The following IGF2BP3 variants were observed in gnomAD, a reference collection of about 807,000 sequenced individuals.
The protein encoded by IGF2BP3 is insulin like growth factor 2 mRNA binding protein 3, also known as insulin-like growth factor 2 mRNA-binding protein 3.
Under a neutral mutation model 73.8 loss-of-function variants are expected in IGF2BP3, and 9 were observed. That is an observed-to-expected ratio of 0.12 (90% confidence interval 0.07 to 0.21). The LOEUF is 0.21. Ranked by LOEUF, IGF2BP3 falls within the 10% of genes least tolerant of loss-of-function variation. The probability of loss-of-function intolerance (pLI) is 1.00; values close to 1 mark genes in which losing one functional copy is unlikely to be tolerated. For synonymous variants in IGF2BP3, 258 were observed against 256.7 expected (o/e 1.01, Z -0.05); for missense variants, 542 against 714.0 (o/e 0.76, Z 2.75).
intron 2 of IGF2BP3, among the ~76,000 whole-genome samples, chr7:23,423,716 T>A (rs1041437588): frequency 1.3e-5 from 2 of 152,120 alleles, no homozygotes; most frequent in Admixed American, 1.3e-4. Flanking sequence ...TCAAATGATT[T>A]CCTTATAGCT....
chr7:23,426,062 C>T (rs547618752), intron 2 of IGF2BP3, among the ~76,000 whole-genome samples: 3 of 152,180 alleles, frequency 2.0e-5, no homozygotes, highest in South Asian at 4.1e-4. Context: ...TGCAGTGGCT[C>T]GCGCCTGTAA....
intron 2 of IGF2BP3, among the ~76,000 whole-genome samples, chr7:23,466,154 G>A (rs1459306433): frequency 6.6e-6 from 1 of 152,012 alleles, no homozygotes; most frequent in African/African-American, 2.4e-5. Context: ...GAGTAGCTGG[G>A]TGGGATTACA....
At chr7:23,328,238 T>C (rs955981993) in intron 10 of IGF2BP3, among the ~76,000 whole-genome samples, 2 of 152,216 alleles carry the variant, frequency 1.3e-5, no homozygotes. Context: ...AGACAGAGTC[T>C]TGCTCTGTCT....
intron 2 of IGF2BP3, among the ~76,000 whole-genome samples, chr7:23,442,947 A>G (rs1183394348): frequency 2.6e-5 from 4 of 152,072 alleles, no homozygotes; most frequent in African/African-American, 7.2e-5. Context: ...GTTTAATCAA[A>G]CCATTTGGAA....
chr7:23,324,395 C>A (rs1285780621), intron 10 of IGF2BP3, among the ~76,000 whole-genome samples: 1 of 151,362 alleles, frequency 6.6e-6, no homozygotes, highest in African/African-American at 2.4e-5. Context: ...TCTGAATAGA[C>A]CAATAACAGG....
chr7:23,418,864 T>TA, intron 2 of IGF2BP3, 40 bp from the exon 3 acceptor site: 1 of 1,378,758 alleles, frequency 7.3e-7, no homozygotes. Flanking sequence ...GAAAAAAACA[T>TA]AAAAGCAAAA....
intron 2 of IGF2BP3, among the ~76,000 whole-genome samples, chr7:23,459,888 A>G (rs1262538375): frequency 6.6e-6 from 1 of 151,966 alleles, no homozygotes; most frequent in African/African-American, 2.4e-5. Context: ...AGATAGGTTC[A>G]GACAATTTTC....
At chr7:23,422,020 C>G (rs1173140577) in intron 2 of IGF2BP3, among the ~76,000 whole-genome samples, 1 of 152,036 alleles carries the variant, frequency 6.6e-6, no homozygotes, top group Non-Finnish European at 1.5e-5. Flanking sequence ...CTCAAGCAGT[C>G]CTTCTATCTT....
At chr7:23,383,999 G>A (rs1785999044) in intron 3 of IGF2BP3, among the ~76,000 whole-genome samples, 1 of 151,312 alleles carries the variant, frequency 6.6e-6, no homozygotes, top group Admixed American at 6.6e-5. Context: ...GGGAGGCTGA[G>A]GCAGGACAAT....
At position 23,468,053 on chromosome 7, in the gene IGF2BP3, G is replaced by A. The variant is rs117574942; in HGVS notation, c.236+429C>T. The A allele has an allele frequency of 6.8e-3, 1,407 of 205,616 alleles. 25 individuals are homozygous for A. The highest frequency in any genetic ancestry group is 0.058 in the East Asian group (453 of 7,824). The allele number at this position is 205,616 out of a possible 1,614,324, so 12.7% of individuals were successfully genotyped here. ...GCCGCGCCCACGGCCTCCCAACCCC[G>A]GACAGAGAAGGAAAGGAGGGACCCC... On this transcript the variant is annotated intron_variant, in intron 2 of 14. Coordinates refer to ENST00000258729, the MANE Select transcript of IGF2BP3 (RefSeq NM_006547.3).
chr7:23,421,194 G>C (rs2128536700), intron 2 of IGF2BP3, among the ~76,000 whole-genome samples: 1 of 152,112 alleles, frequency 6.6e-6, no homozygotes, highest in African/African-American at 2.4e-5. Context: ...ATTTTTAGTA[G>C]AGACGGGGTT....
At chr7:23,446,353 G>A (rs139640575) in intron 2 of IGF2BP3, among the ~76,000 whole-genome samples, 1,529 of 152,270 alleles carry the variant, frequency 0.01, 30 homozygotes, top group African/African-American at 0.035. Context: ...CCCGAAGTCA[G>A]GAGTTTGAGA....
At chr7:23,447,847 GGTGT>G (rs758397005) in intron 2 of IGF2BP3, among the ~76,000 whole-genome samples, 4 of 152,118 alleles carry the variant, frequency 2.6e-5, no homozygotes, top group Non-Finnish European at 5.9e-5. Context: ...CAGGCATGAT[GGTGT>G]GTGCCTGTAG....
At chr7:23,420,333 C>T (rs1478445019) in intron 2 of IGF2BP3, among the ~76,000 whole-genome samples, 1 of 152,014 alleles carries the variant, frequency 6.6e-6, no homozygotes, top group East Asian at 1.9e-4. Context: ...TTTAAACTAG[C>T]TGGGCATGGT....
At chr7:23,371,250 TCATTGCAA>T (rs1257292070) in intron 3 of IGF2BP3, among the ~76,000 whole-genome samples, 1 of 152,004 alleles carries the variant, frequency 6.6e-6, no homozygotes, top group Non-Finnish European at 1.5e-5. Context: ...TGACTACTAC[TCATTGCAA>T]CAAGAGAGGC....
chr7:23,470,208 T>G lies in IGF2BP3; in HGVS notation c.-98A>C. 1 of 935,828 alleles carries G rather than the reference T, an allele frequency of 1.1e-6. No individual in the cohort carries two copies. The highest frequency in any genetic ancestry group is 1.6e-6 in the Non-Finnish European group (1 of 620,438). The allele number at this position is 935,828 out of a possible 1,614,324, so 58.0% of individuals were successfully genotyped here. A position where few individuals can be genotyped will look rare whatever the true frequency, so the allele number is the denominator to read the frequency against. On this transcript the variant is annotated 5_prime_UTR_variant, in exon 1 of 15. Coordinates refer to ENST00000258729, the MANE Select transcript of IGF2BP3 (RefSeq NM_006547.3). ...GATCCAGCTGGTTTTGTTCCCCTCG[T>G]CTTCTCGCCTTTAAAATACACAAAC...
intron 3 of IGF2BP3, among the ~76,000 whole-genome samples, chr7:23,403,233 A>G (rs1162704347): frequency 6.6e-6 from 1 of 152,186 alleles, no homozygotes; most frequent in African/African-American, 2.4e-5. Flanking sequence ...AGAGCACACA[A>G]CTTTGCATTG....
intron 2 of IGF2BP3, among the ~76,000 whole-genome samples, chr7:23,457,419 C>T (rs1034445953): frequency 2.0e-5 from 3 of 151,806 alleles, no homozygotes; most frequent in Admixed American, 6.6e-5. Context: ...GAGCAGAGAT[C>T]GCGCCACTGC....
intron 10 of IGF2BP3, among the ~76,000 whole-genome samples, chr7:23,320,444 G>T (rs1212781537): frequency 6.6e-6 from 1 of 151,986 alleles, no homozygotes; most frequent in African/African-American, 2.4e-5. Flanking sequence ...AAGGTTCAAG[G>T]TTCAGTAATG....
Sources: gnomAD v4.1 joint callset for allele counts (sites outside exome capture counted in the v4.1 genomes callset) on GRCh38, gnomAD v4.1.1 for gene constraint, MANE v1.5 for transcripts, NCBI Gene and HGNC (gene_info 2026-07-23, HGNC 2026-07-21) for gene names.